FRMD5: variants seen among roughly 807,000 people sequenced by gnomAD.
The protein encoded by FRMD5 is FERM domain-containing protein 5.
FRMD5 carries 20 observed loss-of-function variants against 69.0 expected under a neutral mutation model. That is an observed-to-expected ratio of 0.29 (90% CI 0.20 to 0.42). FRMD5 has a LOEUF of 0.42. Among genes scored for constraint, FRMD5 ranks in the 10% least tolerant of loss-of-function variants. The pLI, the probability that FRMD5 is intolerant of heterozygous loss-of-function variation, is 1.00. For synonymous variants in FRMD5, 271 were observed against 260.1 expected (o/e 1.04, Z -0.40); for missense variants, 595 against 708.6 (o/e 0.84, Z 1.82).
chr15:43,897,225 C>T (rs1457358115), intron 7 of FRMD5, among the ~76,000 whole-genome samples: 1 of 152,056 alleles, frequency 6.6e-6, no homozygotes, highest in African/African-American at 2.4e-5. Context: ...TGGTGGCTCA[C>T]ACCTGTAATC....
chr15:43,964,459 C>T (rs193252717), intron 1 of FRMD5, among the ~76,000 whole-genome samples: 13 of 136,832 alleles, frequency 9.5e-5, no homozygotes, highest in Non-Finnish European at 2.0e-4. Flanking sequence ...CCAGCCTGGG[C>T]AACAGAGTGA....
In FRMD5 at chr15:44,009,621, G is replaced by A. The variant is rs1454243380; in HGVS notation, c.103-85312C>T. 5.3e-5 allele frequency among the ~76,000 whole-genome samples: 8 copies of A among 152,318 alleles called. No individual in the cohort carries two copies. The South Asian group carries it at 1.2e-3, about 24-fold the overall frequency. ...TTGAGCCTGGGAAGTCGAGGCTGCG[G>A]TGAGCCGTGATTGTGCCACTGCACT... is the stretch of plus-strand genomic sequence containing the variant. On this transcript the variant is annotated intron_variant, in intron 1 of 13. Coordinates refer to ENST00000417257, the MANE Select transcript of FRMD5 (RefSeq NM_032892.5).
chr15:43,943,053 C>A (rs1206158559), intron 1 of FRMD5, among the ~76,000 whole-genome samples: 3 of 152,120 alleles, frequency 2.0e-5, no homozygotes, highest in Non-Finnish European at 2.9e-5. Context: ...ACCAGCCTGA[C>A]CAACATGAAG....
chr15:44,196,752 T>TCTCTCTCTCTC (rs1566999527), upstream of FRMD5, among the ~76,000 whole-genome samples: 10 of 72,006 alleles, frequency 1.4e-4, no homozygotes, highest in African/African-American at 4.5e-4. Flanking sequence ...CTCTCTCTCT[T>TCTCTCTCTCTC]TCTCTCTCTC....
chr15:43,999,327 CA>C (rs1890076516), intron 1 of FRMD5, among the ~76,000 whole-genome samples: 1 of 152,112 alleles, frequency 6.6e-6, no homozygotes, highest in Admixed American at 6.5e-5. Flanking sequence ...CTTGGCCTCC[CA>C]AAGTGCTAGG....
At chr15:43,975,259 C>T (rs1000012662) in intron 1 of FRMD5, among the ~76,000 whole-genome samples, 4 of 152,128 alleles carry the variant, frequency 2.6e-5, no homozygotes, top group Admixed American at 6.5e-5. Flanking sequence ...ATAAAACTAA[C>T]AAGGAATGAA....
intron 1 of FRMD5, among the ~76,000 whole-genome samples, chr15:43,940,150 G>A (rs981629212): frequency 2.6e-5 from 4 of 152,182 alleles, no homozygotes; most frequent in African/African-American, 9.7e-5. Flanking sequence ...GCACTCCGGA[G>A]CCTGGGCGAC....
intron 1 of FRMD5, among the ~76,000 whole-genome samples, chr15:44,059,219 TG>T (rs780532494): frequency 3.9e-5 from 6 of 152,180 alleles, no homozygotes; most frequent in Non-Finnish European, 8.8e-5. Context: ...TCTTAAGAGC[TG>T]TAGTAAAGAG....
At chr15:44,046,059 CTTGA>C (rs998157402) in intron 1 of FRMD5, among the ~76,000 whole-genome samples, 1 of 152,022 alleles carries the variant, frequency 6.6e-6, no homozygotes, top group Non-Finnish European at 1.5e-5. Flanking sequence ...CAGTCATCTC[CTTGA>C]TTAATTTAGA....
intron 1 of FRMD5, among the ~76,000 whole-genome samples, chr15:43,984,212 ACT>A (rs1355715115): frequency 6.6e-6 from 1 of 152,218 alleles, no homozygotes; most frequent in African/African-American, 2.4e-5. Flanking sequence ...GACTCATTTC[ACT>A]CTGTCAGCAA....
At chr15:44,008,089 A>ATT (rs35785368) in intron 1 of FRMD5, among the ~76,000 whole-genome samples, 3,007 of 61,846 alleles carry the variant, frequency 0.049, no homozygotes, top group Non-Finnish European at 0.068. Context: ...ACAATCGGCA[A>ATT]TTTTTTTTTT....
intron 1 of FRMD5, among the ~76,000 whole-genome samples, chr15:44,142,845 C>CT (rs1190608359): frequency 8.5e-5 from 13 of 152,176 alleles, no homozygotes; most frequent in South Asian, 6.2e-4. Context: ...AATCCCAGCA[C>CT]TTTGGGAGGC....
chr15:44,014,837 G>A (rs551467292), intron 1 of FRMD5, among the ~76,000 whole-genome samples: 3 of 152,206 alleles, frequency 2.0e-5, no homozygotes, highest in Non-Finnish European at 2.9e-5. Flanking sequence ...AGCTATATGA[G>A]CATTAACTAA....
At chr15:43,881,028 C>T (rs2088512901) in intron 13 of FRMD5, among the ~76,000 whole-genome samples, 1 of 152,184 alleles carries the variant, frequency 6.6e-6, no homozygotes. Context: ...CAGCAACTCT[C>T]AGTGAGTTTT....
rs762345639 is a variant in FRMD5 at position 43,874,421 on chromosome 15, G to A, written c.1177C>T (p.Arg393Cys). The A allele has an allele frequency of 2.5e-6, 4 of 1,614,192 alleles. No homozygotes were observed. Among genetic ancestry groups the A allele is most frequent in the East Asian group, 2.2e-5 (1 of 44,882 alleles). Residue 393 changes from arginine (R) to cysteine (C), a missense_variant, in exon 14 of 14, where the codon CGT becomes TGT. Transcript: ENST00000417257. ...AAGGTGTCCCCATGGGAAGTGGAAC[G>A]CACTGGTGTGGAATGGGCACTGTCC... ...LRDSAHSTPV[R>C]STSHGDTFLP...
chr15:44,133,412 T>TA (rs2077133306), intron 1 of FRMD5, among the ~76,000 whole-genome samples: 1 of 151,244 alleles, frequency 6.6e-6, no homozygotes, highest in Non-Finnish European at 1.5e-5. Flanking sequence ...CCGTGTCTAC[T>TA]AAAAATACAA....
intron 7 of FRMD5, among the ~76,000 whole-genome samples, chr15:43,897,012 G>T (rs1448379885): frequency 6.6e-6 from 1 of 152,130 alleles, no homozygotes; most frequent in East Asian, 1.9e-4. Flanking sequence ...GAGGCACCCT[G>T]TAAGAGATTT....
intron 13 of FRMD5, chr15:43,879,750 CAG>C: frequency 2.5e-6 from 1 of 398,442 alleles, no homozygotes; most frequent in Non-Finnish European, 4.4e-6. Context: ...GGGAGAGATA[CAG>C]AGAGGCAAAG....
rs1567200371 is a variant in FRMD5, at chr15:43,874,058, C to G, written c.1540G>C (p.Val514Leu). 1.9e-6 allele frequency: 3 copies of G among 1,614,218 alleles called. No individual in the cohort carries two copies. Among genetic ancestry groups the G allele is most frequent in the East Asian group, 4.5e-5 (2 of 44,886 alleles). Residue 514 changes from valine (V) to leucine (L), a missense_variant, in exon 14 of 14, where the codon GTT (valine) becomes CTT (leucine). Val to Leu is a conservative substitution (Grantham distance 32, BLOSUM62 1). Transcript: ENST00000417257. ...AGGATGATCAGGAGGAGGAGCAAAACAAAGAGGAGTCCCATGGTCACAAGG... is the reference window on the plus strand; with the variant it reads ...AGGATGATCAGGAGGAGGAGCAAAAGAAAGAGGAGTCCCATGGTCACAAGG... ...LLLVTMGLLFVLLLLLIILTE... is the reference protein window; with the variant it reads ...LLLVTMGLLFLLLLLLIILTE...
Sources: gnomAD v4.1 joint callset for allele counts (sites outside exome capture counted in the v4.1 genomes callset) on GRCh38, gnomAD v4.1.1 for gene constraint, MANE v1.5 for transcripts, NCBI Gene and HGNC (gene_info 2026-07-23, HGNC 2026-07-21) for gene names.